Variants in THSD4 observed in about 807,000 individuals in gnomAD.
THSD4 encodes thrombospondin type-1 domain-containing protein 4.
In THSD4, 69 loss-of-function variants were observed where a neutral mutation model predicts 119.0. The ratio of observed to expected loss-of-function variants is 0.58; its 90% CI spans 0.48 to 0.71. The LOEUF is 0.71. Ranked by LOEUF, THSD4 falls within the 30% of genes least tolerant of loss-of-function variation. The probability of loss-of-function intolerance (pLI) is 0.00; values close to 1 mark genes in which losing one functional copy is unlikely to be tolerated. For synonymous variants in THSD4, 524 were observed against 540.4 expected, an observed-to-expected ratio of 0.97 and a Z score of 0.42; for missense variants, 1,393 against 1,391.1, an observed-to-expected ratio of 1.00 and a Z score of -0.02.
intron 6 of THSD4, among the ~76,000 whole-genome samples, chr15:71,273,391 A>G (rs1198648556): frequency 6.6e-6 from 1 of 152,154 alleles, no homozygotes; most frequent in Non-Finnish European, 1.5e-5. Context: ...CTGAGGAGGG[A>G]GGGAGTGGGT....
chr15:71,627,606 C>T (rs62024265), intron 7 of THSD4, among the ~76,000 whole-genome samples: 6 of 152,074 alleles, frequency 3.9e-5, no homozygotes, highest in African/African-American at 7.2e-5. Flanking sequence ...ATATGAGGAC[C>T]GCCTGTTGGA....
intron 17 of THSD4, among the ~76,000 whole-genome samples, chr15:71,772,452 C>T (rs1006461310): frequency 6.6e-6 from 1 of 152,030 alleles, no homozygotes; most frequent in Non-Finnish European, 1.5e-5. Flanking sequence ...GTAAGAAAGC[C>T]TTGCTATAGA....
chr15:71,758,394 G>T (rs1167583104), intron 15 of THSD4, among the ~76,000 whole-genome samples: 1 of 152,194 alleles, frequency 6.6e-6, no homozygotes, highest in Non-Finnish European at 1.5e-5. Flanking sequence ...ACCTTATGAG[G>T]TTATTTTTAG....
intron 7 of THSD4, among the ~76,000 whole-genome samples, chr15:71,598,752 G>A (rs538317249): frequency 2.0e-5 from 3 of 151,984 alleles, no homozygotes; most frequent in Non-Finnish European, 4.4e-5. Flanking sequence ...CTACTAGCTG[G>A]GACTACAGGC....
chr15:71,307,414 G>A (rs968674902), intron 6 of THSD4, among the ~76,000 whole-genome samples: 1 of 152,202 alleles, frequency 6.6e-6, no homozygotes, highest in African/African-American at 2.4e-5. Flanking sequence ...AGACCTAAGT[G>A]TGTCAAGGGC....
intron 7 of THSD4, among the ~76,000 whole-genome samples, chr15:71,467,155 AT>A (rs2047512448): frequency 6.6e-6 from 1 of 151,994 alleles, no homozygotes; most frequent in Admixed American, 6.6e-5. Flanking sequence ...CCCCAAATCT[AT>A]TTTCCACAAA....
At chr15:71,773,130 G>A (rs2053850397) in intron 17 of THSD4, among the ~76,000 whole-genome samples, 1 of 149,176 alleles carries the variant, frequency 6.7e-6, no homozygotes, top group East Asian at 2.0e-4. Context: ...GAACTCAAGA[G>A]GTCAAGGCTG....
chr15:71,297,455 C>T (rs550594342), intron 6 of THSD4, among the ~76,000 whole-genome samples: 139 of 152,166 alleles, frequency 9.1e-4, no homozygotes, highest in African/African-American at 3.2e-3. Context: ...CCTGCCCCAG[C>T]CTCCTGAGTA....
At chr15:71,350,898 C>T (rs898537884) in intron 6 of THSD4, among the ~76,000 whole-genome samples, 7 of 152,222 alleles carry the variant, frequency 4.6e-5, no homozygotes, top group African/African-American at 1.7e-4. Context: ...AGAAACCCCA[C>T]TGGCGGTGGC....
chr15:71,754,375 C>T (rs555263636), intron 14 of THSD4, among the ~76,000 whole-genome samples: 5 of 152,172 alleles, frequency 3.3e-5, no homozygotes, highest in Non-Finnish European at 7.4e-5. Context: ...CAGGTGTGAG[C>T]CACCACACCT....
chr15:71,755,727 A>AAAAAAAAAAAAAAAC (rs2053527094), intron 14 of THSD4, among the ~76,000 whole-genome samples: 1 of 151,130 alleles, frequency 6.6e-6, no homozygotes. Flanking sequence ...AAAAAAAAAA[A>AAAAAAAAAAAAAAAC]AAAAAAGACA....
intron 7 of THSD4, among the ~76,000 whole-genome samples, chr15:71,627,511 C>G (rs535691684): frequency 1.6e-3 from 243 of 152,256 alleles, no homozygotes; most frequent in Non-Finnish European, 2.7e-3. Context: ...GTAGGTTTAG[C>G]TTTTAGAAGG....
intron 7 of THSD4, among the ~76,000 whole-genome samples, chr15:71,431,053 T>C (rs1425861462): frequency 1.3e-5 from 2 of 152,200 alleles, no homozygotes; most frequent in Non-Finnish European, 2.9e-5. Flanking sequence ...TTCATGAATT[T>C]CAACATTTTG....
chr15:71,097,302 C>T (rs1369859303), intron 1 of THSD4, among the ~76,000 whole-genome samples: 1 of 152,028 alleles, frequency 6.6e-6, no homozygotes, highest in African/African-American at 2.4e-5. Flanking sequence ...CGGTGGTTGA[C>T]GCCTGTAATA....
intron 17 of THSD4, among the ~76,000 whole-genome samples, chr15:71,773,676 A>C (rs1474302075): frequency 6.6e-6 from 1 of 152,358 alleles, no homozygotes; most frequent in Non-Finnish European, 1.5e-5. Context: ...GTTATGACAC[A>C]CACTTCGGTA....
chr15:71,217,789 C>CTT lies in THSD4; in HGVS notation c.464+2404_464+2405dup, dbSNP rs11413853. 2.5e-3 allele frequency among the ~76,000 whole-genome samples: 346 copies of CTT among 137,728 alleles called. 3 individuals carry two copies. Among genetic ancestry groups the CTT allele is most frequent in the African/African-American group, 3.2e-3 (117 of 36,860 alleles). 90.4% of individuals were successfully genotyped at this position (137,728 alleles called of 152,430 possible). A position where few individuals can be genotyped will look rare whatever the true frequency, so the allele number is the denominator to read the frequency against. ...TATCCATCCTGTACCAGGCACTGTT[C>CTT]TTTTTTTTTTTTTTTGAGATGTAGT... On this transcript the variant is annotated intron_variant, in intron 4 of 17. Transcript: ENST00000261862.
At chr15:71,572,706 T>G (rs569075971) in intron 7 of THSD4, among the ~76,000 whole-genome samples, 1 of 151,978 alleles carries the variant, frequency 6.6e-6, no homozygotes, top group African/African-American at 2.4e-5. Flanking sequence ...GGATTCTGTG[T>G]GTTTTATTTT....
At chr15:71,349,956 C>A (rs537703096) in intron 6 of THSD4, among the ~76,000 whole-genome samples, 18 of 152,122 alleles carry the variant, frequency 1.2e-4, no homozygotes, top group Admixed American at 3.9e-4. Flanking sequence ...GGTTTCCAGT[C>A]CATTAATTTT....
At chr15:71,495,034 C>T (rs1010162712) in intron 7 of THSD4, among the ~76,000 whole-genome samples, 6 of 152,208 alleles carry the variant, frequency 3.9e-5, no homozygotes, top group African/African-American at 9.6e-5. Flanking sequence ...GGCCCAGTGA[C>T]GGGTGAGAGG....
Sources: gnomAD v4.1 joint callset for allele counts (sites outside exome capture counted in the v4.1 genomes callset) on GRCh38, gnomAD v4.1.1 for gene constraint, MANE v1.5 for transcripts, NCBI Gene and HGNC (gene_info 2026-07-23, HGNC 2026-07-21) for gene names.